Variants in FIP1L1 observed in about 807,000 individuals in gnomAD.
FIP1L1 encodes the protein factor interacting with PAPOLA and CPSF1, also known as pre-mRNA 3'-end-processing factor FIP1.
In FIP1L1, 21 loss-of-function variants were observed where a neutral mutation model predicts 84.6. The observed-to-expected ratio is 0.25, with a 90% CI of 0.18 to 0.36. The LOEUF is 0.36. FIP1L1 is among the 10% of genes least tolerant of loss of function. The probability of loss-of-function intolerance (pLI) is 1.00; values close to 1 mark genes in which losing one functional copy is unlikely to be tolerated. For synonymous variants in FIP1L1, 263 were observed against 242.3 expected, an observed-to-expected ratio of 1.09 and a Z score of -0.80; for missense variants, 526 against 751.1, an observed-to-expected ratio of 0.70 and a Z score of 3.50.
chr4:53,378,859 T>C, intron 1 of FIP1L1: 1 of 559,828 alleles, frequency 1.8e-6, no homozygotes, highest in East Asian at 3.0e-5. Flanking sequence ...TTTGATAAAC[T>C]TGTAAAAAAA....
At chr4:53,397,786 T>C (rs1398017881) in intron 9 of FIP1L1, among the ~76,000 whole-genome samples, 2 of 152,268 alleles carry the variant, frequency 1.3e-5, no homozygotes, top group Non-Finnish European at 2.9e-5. Flanking sequence ...AGATAATTTC[T>C]ATGGTTCTTT....
intron 9 of FIP1L1, among the ~76,000 whole-genome samples, chr4:53,391,936 C>G (rs572782178): frequency 3.7e-4 from 57 of 152,244 alleles, no homozygotes; most frequent in African/African-American, 1.4e-3. Context: ...GTGTAATGCC[C>G]TGATAGCTCA....
chr4:53,437,649 G>C (rs531014612), intron 13 of FIP1L1, among the ~76,000 whole-genome samples: 9 of 152,064 alleles, frequency 5.9e-5, no homozygotes, highest in Non-Finnish European at 1.3e-4. Flanking sequence ...CCAGCAATCT[G>C]TGTGTTTTAA....
chr4:53,422,830 T>C (rs1396669162), intron 11 of FIP1L1, among the ~76,000 whole-genome samples: 1 of 152,112 alleles, frequency 6.6e-6, no homozygotes, highest in African/African-American at 2.4e-5. Context: ...TCCTCTCACC[T>C]AAGCCCTCTG....
intron 6 of FIP1L1, among the ~76,000 whole-genome samples, chr4:53,390,241 A>G (rs1375053956): frequency 6.6e-6 from 1 of 152,100 alleles, no homozygotes; most frequent in Non-Finnish European, 1.5e-5. Flanking sequence ...CGCCCGGCCA[A>G]GGTGATAATA....
intron 13 of FIP1L1, among the ~76,000 whole-genome samples, chr4:53,437,354 G>C (rs1305663217): frequency 8.6e-6 from 1 of 115,906 alleles, no homozygotes; most frequent in Non-Finnish European, 1.8e-5. Context: ...AAAAAAAAAA[G>C]AGAGAGAAAT....
Position 53,453,138 on chromosome 4 carries a change from G to T in FIP1L1, c.1499+5G>T. 1 of 1,614,012 alleles carries T rather than the reference G, an allele frequency of 6.2e-7. No individual in the cohort carries two copies. The highest frequency in any genetic ancestry group is 8.5e-7 in the Non-Finnish European group (1 of 1,179,962). On this transcript the variant is annotated splice_donor_5th_base_variant and intron_variant, in intron 16 of 17. Coordinates refer to ENST00000337488, the MANE Select transcript of FIP1L1 (RefSeq NM_030917.4). Reference sequence around the variant, plus strand: ...TACACCAAGTGTTTTCAACAGGTTTGTTGGGTGTGCAGGAGTTTATACTAT... The same window carrying T: ...TACACCAAGTGTTTTCAACAGGTTTTTTGGGTGTGCAGGAGTTTATACTAT...
At chr4:53,399,906 A>G in intron 10 of FIP1L1, 67 bp downstream of exon 10, 3 of 1,076,518 alleles carry the variant, frequency 2.8e-6, no homozygotes, top group Non-Finnish European at 4.1e-6. Context: ...TTTGTGCTAT[A>G]TTAAGTATAA....
chr4:53,445,904 C>T (rs796641492), intron 15 of FIP1L1, among the ~76,000 whole-genome samples: 4 of 152,140 alleles, frequency 2.6e-5, no homozygotes, highest in South Asian at 4.1e-4. Context: ...GTGACATATT[C>T]TGGTCTCCTA....
In FIP1L1 at chr4:53,460,455, A is replaced by G. The variant is rs1388917128; in HGVS notation, c.*1006A>G. On this transcript the variant is annotated 3_prime_UTR_variant, in exon 18 of 18. Coordinates refer to ENST00000337488, the MANE Select transcript of FIP1L1 (RefSeq NM_030917.4). ...TAGTATCACATACTAAAAGACAACT[A>G]TAACTTCTGAAAAATATTTATTCTT... The G allele has an allele frequency of 1.0e-5, 2 of 192,734 alleles. No individual in the cohort carries two copies. Among genetic ancestry groups the G allele is most frequent in the Non-Finnish European group, 2.2e-5 (2 of 92,808 alleles). 11.9% of individuals were successfully genotyped at this position (192,734 alleles called of 1,614,324 possible). A position where few individuals can be genotyped will look rare whatever the true frequency, so the allele number is the denominator to read the frequency against.
intron 5 of FIP1L1, among the ~76,000 whole-genome samples, chr4:53,388,401 G>A (rs1452496330): frequency 2.6e-5 from 4 of 151,548 alleles, no homozygotes; most frequent in Middle Eastern, 3.4e-3. Context: ...GTGCAGTGGC[G>A]CGATCTCACT....
Position 53,436,913 on chromosome 4 carries a change from G to A in FIP1L1, c.1175-5740G>A, listed in dbSNP as rs1378224921. 2.6e-5 allele frequency among the ~76,000 whole-genome samples: 4 copies of A among 152,046 alleles called. No homozygotes were observed. The East Asian group carries it at 7.7e-4, about 29-fold the overall frequency. On this transcript the variant is annotated intron_variant, in intron 13 of 17. Transcript: ENST00000337488. ...GTTATATGCTGGAAAAATTAAGCTG[G>A]GTGTGGTGGCTCACTCCTGTAATCC...
intron 10 of FIP1L1, among the ~76,000 whole-genome samples, chr4:53,411,738 G>A (rs1447291422): frequency 1.1e-4 from 16 of 152,006 alleles, no homozygotes; most frequent in East Asian, 3.9e-4. Context: ...ATATTTTTTC[G>A]TACTTTATCA....
chr4:53,443,859 A>G (rs760810743), intron 14 of FIP1L1, among the ~76,000 whole-genome samples, 189 bp from the exon 15 acceptor site: 2 of 152,084 alleles, frequency 1.3e-5, no homozygotes, highest in Non-Finnish European at 1.5e-5. Flanking sequence ...CTGTAAAATT[A>G]GGTATTTTAA....
chr4:53,456,701 T>TA (rs1026171975), intron 16 of FIP1L1, among the ~76,000 whole-genome samples: 44 of 152,116 alleles, frequency 2.9e-4, no homozygotes, highest in African/African-American at 1.0e-3. Flanking sequence ...TGAACTCTAA[T>TA]AATTTCCAGG....
At chr4:53,414,426 A>G (rs1475499131) in intron 10 of FIP1L1, among the ~76,000 whole-genome samples, 189 bp from the exon 11 acceptor site, 3 of 152,098 alleles carry the variant, frequency 2.0e-5, no homozygotes, top group Non-Finnish European at 4.4e-5. Context: ...GAGTTAAGAA[A>G]GTGTTGATAG....
rs750140498 is a variant in FIP1L1 at position 53,458,666 on chromosome 4, T to C, written c.1513T>C (p.Tyr505His). Reference sequence around the variant, plus strand: ...TTTCAATTTCAGCGATGAAGAACGATACAGATACAGGGAATATGCAGAAAG... The same window carrying C: ...TTTCAATTTCAGCGATGAAGAACGACACAGATACAGGGAATATGCAGAAAG... ...PSVFNSDEER[Y>H]RYREYAERGY... Residue 505 changes from tyrosine to histidine, a missense_variant, in exon 17 of 18, where the codon TAC becomes CAC. Tyr to His is a moderately conservative substitution (Grantham distance 83). Around this residue, in one of 6 missense-constraint regions of FIP1L1, gnomAD observed 89 missense variants for 169.0 expected, o/e 0.53. Transcript: ENST00000337488. 22 of 1,611,604 alleles carry C rather than the reference T, an allele frequency of 1.4e-5. No individual in the cohort carries two copies. The highest frequency in any genetic ancestry group is 2.7e-5 in the African/African-American group (2 of 74,730).
intron 11 of FIP1L1, among the ~76,000 whole-genome samples, chr4:53,421,299 G>A (rs1319242478): frequency 1.3e-5 from 2 of 151,986 alleles, no homozygotes; most frequent in Non-Finnish European, 2.9e-5. Context: ...ATGTCTTTTG[G>A]TTGGTAACCA....
intron 11 of FIP1L1, among the ~76,000 whole-genome samples, chr4:53,415,112 A>G (rs1206148841): frequency 6.6e-6 from 1 of 152,058 alleles, no homozygotes; most frequent in Non-Finnish European, 1.5e-5. Context: ...GTAAAATTTG[A>G]CTCTACTGAA....
Sources: gnomAD v4.1 joint callset for allele counts (sites outside exome capture counted in the v4.1 genomes callset) on GRCh38, gnomAD v4.1.1 for gene constraint, gnomAD v4.1.1 regional missense constraint, MANE v1.5 for transcripts, NCBI Gene and HGNC (gene_info 2026-07-23, HGNC 2026-07-21) for gene names.